OTUD7A: variants seen among roughly 807,000 people sequenced by gnomAD.
The protein encoded by OTUD7A is OTU deubiquitinase 7A.
In OTUD7A, 12 loss-of-function variants were observed where a neutral mutation model predicts 65.7. The observed-to-expected ratio is 0.18, with a 90% CI of 0.12 to 0.30. OTUD7A has a LOEUF of 0.30. OTUD7A is among the 10% of genes least tolerant of loss of function. The pLI is 1.00. For synonymous variants in OTUD7A, 641 were observed against 586.3 expected (o/e 1.09, Z -1.35); for missense variants, 1,148 against 1,304.8 (o/e 0.88, Z 1.85).
At chr15:31,627,706 AAC>A (rs1891005850) in intron 3 of OTUD7A, among the ~76,000 whole-genome samples, 3 of 152,338 alleles carry the variant, frequency 2.0e-5, no homozygotes, top group East Asian at 3.9e-4. Flanking sequence ...CACTCCCACC[AAC>A]AGTGTAAAAG....
intron 8 of OTUD7A, among the ~76,000 whole-genome samples, chr15:31,510,932 TGTATATCTATATGTAAC>T (rs2041693578): frequency 3.3e-5 from 1 of 30,666 alleles, no homozygotes; most frequent in African/African-American, 3.2e-4. Context: ...GTAACATATA[TGTATATCTATATGTAAC>T]ATATATGTAT....
intron 1 of OTUD7A, among the ~76,000 whole-genome samples, chr15:31,736,033 G>A (rs1187095053): frequency 6.6e-6 from 1 of 152,106 alleles, no homozygotes; most frequent in Non-Finnish European, 1.5e-5. Flanking sequence ...ACACATAGAG[G>A]GGAACAACAC....
chr15:31,493,876 A>G (rs1195444419), intron 10 of OTUD7A, among the ~76,000 whole-genome samples: 1 of 152,248 alleles, frequency 6.6e-6, no homozygotes, highest in Non-Finnish European at 1.5e-5. Context: ...GAAAAGTTAT[A>G]GCATTAAAAT....
intron 1 of OTUD7A, among the ~76,000 whole-genome samples, chr15:31,690,014 G>A (rs1280052962): frequency 6.6e-6 from 1 of 152,040 alleles, no homozygotes; most frequent in African/African-American, 2.4e-5. Flanking sequence ...TACCTTTTGA[G>A]GCCATTTATT....
chr15:31,738,616 T>C (rs1023352704), intron 1 of OTUD7A, among the ~76,000 whole-genome samples: 8 of 152,194 alleles, frequency 5.3e-5, no homozygotes, highest in African/African-American at 1.9e-4. Flanking sequence ...GCACCTATGC[T>C]GCCTCCGCTG....
intron 3 of OTUD7A, among the ~76,000 whole-genome samples, chr15:31,598,142 G>GA (rs1241716298): frequency 1.3e-5 from 2 of 152,310 alleles, no homozygotes; most frequent in Admixed American, 6.5e-5. Flanking sequence ...GTCAGCCAGC[G>GA]AAGTTCCACC....
At chr15:31,614,812 A>G (rs557845913) in intron 3 of OTUD7A, among the ~76,000 whole-genome samples, 2 of 152,288 alleles carry the variant, frequency 1.3e-5, no homozygotes, top group South Asian at 2.1e-4. Context: ...ACGTTGCCCT[A>G]CGGAATTTGA....
At chr15:31,630,989 A>C (rs1264047676) in intron 3 of OTUD7A, among the ~76,000 whole-genome samples, 1 of 152,138 alleles carries the variant, frequency 6.6e-6, no homozygotes, top group South Asian at 2.1e-4. Flanking sequence ...GTCTCTGCAC[A>C]TGAGATGGGT....
intron 8 of OTUD7A, among the ~76,000 whole-genome samples, chr15:31,523,265 CCT>C (rs2041962774): frequency 6.6e-6 from 1 of 152,218 alleles, no homozygotes; most frequent in South Asian, 2.1e-4. Flanking sequence ...GTCTGTGTCC[CCT>C]GTGGGGCCGG....
intron 1 of OTUD7A, among the ~76,000 whole-genome samples, chr15:31,841,808 A>G (rs914680749): frequency 1.3e-5 from 2 of 152,190 alleles, no homozygotes; most frequent in African/African-American, 4.8e-5. Flanking sequence ...TACCTGCTGG[A>G]AAGAGTATTT....
intron 1 of OTUD7A, among the ~76,000 whole-genome samples, chr15:31,854,294 C>A (rs1282858910): frequency 6.6e-6 from 1 of 152,168 alleles, no homozygotes; most frequent in Non-Finnish European, 1.5e-5. Flanking sequence ...GACCTGGGGC[C>A]CACCTGGGTC....
chr15:31,621,499 T>C (rs950137918), intron 3 of OTUD7A, among the ~76,000 whole-genome samples: 1 of 152,238 alleles, frequency 6.6e-6, no homozygotes, highest in African/African-American at 2.4e-5. Flanking sequence ...TCTTGCTGAA[T>C]TGATCCCTTT....
At chr15:31,818,739 A>G (rs1034745776) in intron 1 of OTUD7A, among the ~76,000 whole-genome samples, 1 of 152,194 alleles carries the variant, frequency 6.6e-6, no homozygotes, top group Non-Finnish European at 1.5e-5. Flanking sequence ...AACCACGGAG[A>G]TTCTGAAGCT....
intron 5 of OTUD7A, among the ~76,000 whole-genome samples, chr15:31,541,119 T>C (rs1235993492): frequency 2.0e-5 from 3 of 152,206 alleles, no homozygotes; most frequent in Admixed American, 1.3e-4. Flanking sequence ...AATTACACTC[T>C]TGAATTGGGT....
At position 31,723,180 on chromosome 15, in the gene OTUD7A, G is replaced by A. The variant is rs867425445; in HGVS notation, c.-99-66103C>T. On this transcript the variant is annotated intron_variant, in intron 1 of 12. Coordinates refer to ENST00000307050, the MANE Select transcript of OTUD7A (RefSeq NM_001382637.1). Reference sequence around the variant, plus strand: ...GAGCTCCTGCAGAGCCTGAGAACTCGGGATGGCTGCGTGGCAAGGGATTGA... The same window carrying A: ...GAGCTCCTGCAGAGCCTGAGAACTCAGGATGGCTGCGTGGCAAGGGATTGA... Among the ~76,000 whole-genome samples the A allele has an allele frequency of 1.5e-4, 23 of 152,204 alleles. No homozygotes were observed. In the South Asian group the frequency reaches 3.9e-3, roughly 26 times the overall value.
chr15:31,767,342 AG>A (rs1895117296), intron 1 of OTUD7A: 13 of 777,660 alleles, frequency 1.7e-5, no homozygotes, highest in Non-Finnish European at 3.1e-5. Context: ...AATATTCAAA[AG>A]TAAGTAGAGG....
At chr15:31,751,673 T>C (rs1328509111) in intron 1 of OTUD7A, among the ~76,000 whole-genome samples, 1 of 152,168 alleles carries the variant, frequency 6.6e-6, no homozygotes, top group Non-Finnish European at 1.5e-5. Flanking sequence ...TAGATGCCCA[T>C]CAGTGATGGA....
chr15:31,509,478 AC>A (rs2041642796), intron 8 of OTUD7A, among the ~76,000 whole-genome samples: 1 of 151,908 alleles, frequency 6.6e-6, no homozygotes, highest in Admixed American at 6.6e-5. Context: ...ATGGGGTTTC[AC>A]CATGTTAGCC....
At chr15:31,805,331 C>T (rs1245070184) in intron 1 of OTUD7A, among the ~76,000 whole-genome samples, 3 of 152,246 alleles carry the variant, frequency 2.0e-5, no homozygotes, top group Non-Finnish European at 4.4e-5. Context: ...CACTGGCAGG[C>T]TCCTGTAGAT....
Sources: allele counts gnomAD v4.1 joint callset (sites outside exome capture counted in the v4.1 genomes callset), GRCh38; gene constraint gnomAD v4.1.1; transcripts MANE v1.5; gene names NCBI Gene and HGNC (gene_info 2026-07-23, HGNC 2026-07-21).